HEATR4: variants seen among roughly 807,000 people sequenced by gnomAD.
The protein encoded by HEATR4 is HEAT repeat containing 4, also known as HEAT repeat-containing protein 4.
Under a neutral mutation model 108.8 loss-of-function variants are expected in HEATR4, and 95 were observed. The ratio of observed to expected loss-of-function variants is 0.87; its 90% CI spans 0.74 to 1.04. The LOEUF (loss-of-function observed/expected upper bound fraction) is 1.04. Ranked by LOEUF, HEATR4 falls within the 50% of genes least tolerant of loss-of-function variation. The probability of loss-of-function intolerance (pLI) is 0.00; values close to 1 mark genes in which losing one functional copy is unlikely to be tolerated. For synonymous variants in HEATR4, 443 were observed against 459.4 expected (o/e 0.96, Z 0.46); for missense variants, 1,152 against 1,253.8 (o/e 0.92, Z 1.23).
intron 5 of HEATR4, among the ~76,000 whole-genome samples, chr14:73,515,068 C>CA (rs57176723): frequency 0.052 from 5,793 of 110,468 alleles, 351 homozygotes; most frequent in African/African-American, 0.15. Flanking sequence ...ACTCCGTTCT[C>CA]AAAAAAAAAA....
At chr14:73,630,478 T>C in the HEATR4 span, among the ~76,000 whole-genome samples, 50 of 152,254 alleles carry the variant, frequency 3.3e-4, 1 homozygote, top group African/African-American at 1.2e-3. Context: ...TAAATTCTTT[T>C]ACCCCATGCC....
At chr14:73,598,217 CA>C in the HEATR4 span, among the ~76,000 whole-genome samples, 747 of 54,902 alleles carry the variant, frequency 0.014, 10 homozygotes, top group African/African-American at 0.056. Context: ...ACTAAAAATA[CA>C]AAAAAAAAAA....
chr14:73,544,663 A>G (rs11844777), intron 1 of HEATR4, among the ~76,000 whole-genome samples: 65,169 of 113,700 alleles, frequency 0.57, 27,156 homozygotes, highest in African/African-American at 0.76. Context: ...TAGGCTTGGC[A>G]TGGTGGCTCA....
chr14:73,540,004 T>G lies in HEATR4; in HGVS notation c.-151-9760A>C, dbSNP rs575686804. Among the ~76,000 whole-genome samples, 25 of 116,896 alleles carry G rather than the reference T, an allele frequency of 2.1e-4. 6 individuals are homozygous for G. The highest frequency in any genetic ancestry group is 6.9e-4 in the African/African-American group (25 of 35,992). The allele number at this position is 116,896 out of a possible 152,430, so 76.7% of individuals were successfully genotyped here. A position where few individuals can be genotyped will look rare whatever the true frequency, so the allele number is the denominator to read the frequency against. ...AAAGAGCAATCAGCCAGTGTAGAAA[T>G]GATGCTTATCCTTATTAATAATCAA... is the stretch of plus-strand genomic sequence containing the variant. On this transcript the variant is annotated intron_variant, in intron 1 of 17. Coordinates refer to ENST00000553558, the MANE Select transcript of HEATR4 (RefSeq NM_001220484.1).
chr14:73,569,166 T>A, the HEATR4 span: 1 of 1,555,636 alleles, frequency 6.4e-7, no homozygotes, highest in Non-Finnish European at 8.7e-7. Context: ...TCGGCTGGAC[T>A]CTGGCCTTCC....
chr14:73,617,298 G>A, the HEATR4 span: 1 of 1,467,340 alleles, frequency 6.8e-7, no homozygotes, highest in Admixed American at 1.7e-5. Context: ...CATGCCAGGA[G>A]ATACCAAGTC....
chr14:73,499,092 T>C lies in HEATR4; in HGVS notation c.2335A>G (p.Ile779Val). 7 of 1,614,094 alleles carry C rather than the reference T, an allele frequency of 4.3e-6. No homozygotes were observed. The highest frequency in any genetic ancestry group is 5.9e-6 in the Non-Finnish European group (7 of 1,179,986). Residue 779 changes from isoleucine (I) to valine (V), a missense_variant, in exon 13 of 18, where the codon ATC (isoleucine) becomes GTC (valine). Ile to Val is a conservative substitution (Grantham distance 29). Coordinates refer to ENST00000553558, the MANE Select transcript of HEATR4 (RefSeq NM_001220484.1). ...ATACCTCGAATGGCAAAGGCCTTGA[T>C]TTTCCAGTAAGGATCTCTCTGCATC... ...NLMQRDPYWKIKAFAIRALGQ... is the reference protein window; with the variant it reads ...NLMQRDPYWKVKAFAIRALGQ...
the HEATR4 span, chr14:73,593,803 G>A: frequency 1.2e-6 from 2 of 1,613,792 alleles, no homozygotes; most frequent in Non-Finnish European, 1.7e-6. Context: ...TGCCACGTTG[G>A]CTCTAGCTTA....
At chr14:73,593,895 A>G in the HEATR4 span, 3 of 1,611,798 alleles carry the variant, frequency 1.9e-6, no homozygotes, top group Non-Finnish European at 2.5e-6. Flanking sequence ...ACATGCTTCA[A>G]CATCCCCAGG....
At chr14:73,627,697 T>C in the HEATR4 span, among the ~76,000 whole-genome samples, 2 of 152,212 alleles carry the variant, frequency 1.3e-5, no homozygotes, top group Non-Finnish European at 2.9e-5. Context: ...TGGGTTTTTA[T>C]GGAAGCCTCA....
At chr14:73,580,790 C>T in the HEATR4 span, 2 of 151,800 alleles carry the variant, frequency 1.3e-5, no homozygotes, top group Admixed American at 1.3e-4. Flanking sequence ...GGCACAGAAG[C>T]ACAGAATGGG....
At position 73,532,603 on chromosome 14, in the gene HEATR4, C is replaced by G. The variant is rs1383564706; in HGVS notation, c.-151-2359G>C. 1.7e-5 allele frequency among the ~76,000 whole-genome samples: 2 copies of G among 115,354 alleles called. 1 individual carries two copies. Among genetic ancestry groups the G allele is most frequent in the African/African-American group, 5.7e-5 (2 of 35,304 alleles). The allele number at this position is 115,354 out of a possible 152,430, so 75.7% of individuals were successfully genotyped here. ...ATGGACTTTAGCACTTGGGCTCAAG[C>G]TGCACTCAGATGGTTGGACCACCAT... On this transcript the variant is annotated intron_variant, in intron 1 of 17. Coordinates refer to ENST00000553558, the MANE Select transcript of HEATR4 (RefSeq NM_001220484.1).
chr14:73,562,905 T>A (rs1236003168), upstream of HEATR4, among the ~76,000 whole-genome samples: 1 of 152,094 alleles, frequency 6.6e-6, no homozygotes, highest in Non-Finnish European at 1.5e-5. Context: ...GCTTTTGCCC[T>A]TTGCCTTGTG....
At chr14:73,617,682 T>C in the HEATR4 span, among the ~76,000 whole-genome samples, 1 of 152,154 alleles carries the variant, frequency 6.6e-6, no homozygotes, top group Non-Finnish European at 1.5e-5. Context: ...AATGTAAATG[T>C]ATATAGAGAA....
At chr14:73,496,481 G>C (rs1219546371) in intron 15 of HEATR4, 120 bp downstream of exon 15, 2 of 647,720 alleles carry the variant, frequency 3.1e-6, no homozygotes, top group Admixed American at 2.8e-5. Flanking sequence ...TGTGTCTGGG[G>C]TTTTAGAAAG....
In HEATR4 at chr14:73,532,374, C is replaced by T. The variant is rs1333843570; in HGVS notation, c.-151-2130G>A. The stretch of plus-strand genomic sequence containing the variant: ...GTATTTCTAGTAGTATAATTTCACA[C>T]GTACAGAAATTCTTTAAGTCATAGA... On this transcript the variant is annotated intron_variant, in intron 1 of 17. Transcript: ENST00000553558. Among the ~76,000 whole-genome samples, 2 of 116,414 alleles carry T rather than the reference C, an allele frequency of 1.7e-5. 1 individual carries two copies. The highest frequency in any genetic ancestry group is 1.9e-4 in the Admixed American group (2 of 10,336). 76.4% of individuals were successfully genotyped at this position (116,414 alleles called of 152,430 possible).
chr14:73,518,615 A>G (rs1028707911), intron 5 of HEATR4, among the ~76,000 whole-genome samples: 4 of 152,148 alleles, frequency 2.6e-5, no homozygotes, highest in Non-Finnish European at 5.9e-5. Context: ...GTGAAAGTTC[A>G]GGTATGGGTG....
chr14:73,622,928 A>G, the HEATR4 span, among the ~76,000 whole-genome samples: 1 of 151,050 alleles, frequency 6.6e-6, no homozygotes, highest in Non-Finnish European at 1.5e-5. Flanking sequence ...TTTTTTTTTG[A>G]GACAGAGTTT....
the HEATR4 span, among the ~76,000 whole-genome samples, chr14:73,610,548 C>G: frequency 2.6e-5 from 4 of 152,144 alleles, no homozygotes; most frequent in Admixed American, 1.3e-4. Context: ...CCCTCGGCCT[C>G]CCAAAGTGCT....
Sources: gnomAD v4.1 joint callset for allele counts (sites outside exome capture counted in the v4.1 genomes callset) on GRCh38, gnomAD v4.1.1 for gene constraint, MANE v1.5 for transcripts, NCBI Gene and HGNC (gene_info 2026-07-23, HGNC 2026-07-21) for gene names.